Variants in DOCK8 observed in about 807,000 individuals in gnomAD.
The protein encoded by DOCK8 is dedicator of cytokinesis protein 8.
A neutral mutation model predicts 245.6 loss-of-function variants in DOCK8; 141 were observed. That is an observed-to-expected ratio of 0.57 (90% CI 0.50 to 0.66). The LOEUF (loss-of-function observed/expected upper bound fraction) is 0.66, where lower values mean the gene tolerates loss of function less well. Among genes scored for constraint, DOCK8 ranks in the 30% least tolerant of loss-of-function variants. DOCK8 has a pLI of 0.00. For synonymous variants in DOCK8, 1,168 were observed against 970.2 expected (o/e 1.20, Z -3.79); for missense variants, 2,965 against 2,603.4 (o/e 1.14, Z -3.02).
intron 30 of DOCK8, among the ~76,000 whole-genome samples, chr9:419,129 A>G (rs2056166221): frequency 6.6e-6 from 1 of 152,184 alleles, no homozygotes; most frequent in South Asian, 2.1e-4. Context: ...TGCATCCTCC[A>G]ATGTCATTTA....
Position 420,860 on chromosome 9 carries a change from C to T in DOCK8, c.4024-89C>T, listed in dbSNP as rs2056246145. 3.2e-6 allele frequency: 5 copies of T among 1,553,464 alleles called. No homozygotes were observed. The East Asian group carries it at 9.0e-5, about 28-fold the overall frequency. On this transcript the variant is annotated intron_variant, in intron 31 of 47. Transcript: ENST00000432829. ...TGAAGCACATGTCAAACTTAGCTGG[C>T]ATCACTGTGGAGTGTACTGTTTTGG... is the stretch of plus-strand genomic sequence containing the variant.
At position 372,239 on chromosome 9, in the gene DOCK8, G is replaced by A. The variant is rs1206967279; in HGVS notation, c.2062G>A (p.Val688Ile). ...TCAAACTGGATCCTACTGTCTCCCAGTTGCCTTGGAAAAATTGCCACCCAA... is the reference window on the plus strand; with the variant it reads ...TCAAACTGGATCCTACTGTCTCCCAATTGCCTTGGAAAAATTGCCACCCAA... ...RLQTGSYCLPVALEKLPPNYS... is the reference protein window; with the variant it reads ...RLQTGSYCLPIALEKLPPNYS... The change falls in exon 18 of 48, where the codon GTT (valine) becomes ATT (isoleucine). Residue 688 changes from valine (V) to isoleucine (I), a missense_variant. Coordinates refer to ENST00000432829, the MANE Select transcript of DOCK8 (RefSeq NM_203447.4). 3.1e-6 allele frequency: 5 copies of A among 1,613,964 alleles called. No homozygotes were observed. The highest frequency in any genetic ancestry group is 1.3e-5 in the African/African-American group (1 of 74,910).
At chr9:331,374 T>C (rs1318419826) in intron 9 of DOCK8, among the ~76,000 whole-genome samples, 1 of 152,198 alleles carries the variant, frequency 6.6e-6, no homozygotes, top group East Asian at 1.9e-4. Flanking sequence ...GAAGAGAGAC[T>C]TCCTGCTTGG....
At chr9:298,664 A>G (rs1419164027) in intron 4 of DOCK8, among the ~76,000 whole-genome samples, 1 of 151,592 alleles carries the variant, frequency 6.6e-6, no homozygotes, top group Non-Finnish European at 1.5e-5. Context: ...TCAGAGAGAG[A>G]GAGAGAGATG....
intron 1 of DOCK8, 45 bp downstream of exon 1, chr9:215,074 GCGCTGGTGTGAAGCGGAGCTTC>G: frequency 6.5e-7 from 1 of 1,541,018 alleles, no homozygotes; most frequent in Non-Finnish European, 8.7e-7. Flanking sequence ...GGACAGCCCA[GCGCTGGTGTGAAGCGGAGCTTC>G]GCTGCAGGGG....
Position 372,336 on chromosome 9 carries a change from G to C in DOCK8, c.2109+50G>C, listed in dbSNP as rs777381890. ...TGTTTCTTGTCCAGCTGTAGTCTTG[G>C]ACCACCTTCCCAGACTCACTTTCCA... On this transcript the variant is annotated intron_variant, in intron 18 of 47. Coordinates refer to ENST00000432829, the MANE Select transcript of DOCK8 (RefSeq NM_203447.4). 4.1e-6 allele frequency: 6 copies of C among 1,451,862 alleles called. No homozygotes were observed. In the East Asian group the frequency reaches 1.4e-4, roughly 33 times the overall value. 89.9% of individuals were successfully genotyped at this position (1,451,862 alleles called of 1,614,324 possible). A position where few individuals can be genotyped will look rare whatever the true frequency, so the allele number is the denominator to read the frequency against.
At chr9:413,579 C>A (rs988536056) in intron 28 of DOCK8, among the ~76,000 whole-genome samples, 4 of 152,122 alleles carry the variant, frequency 2.6e-5, no homozygotes, top group African/African-American at 9.7e-5. Flanking sequence ...ACAAATAACT[C>A]AGTTTTTTAA....
In DOCK8 at chr9:340,234, A is replaced by G. The variant is rs1254114400; in HGVS notation, c.1592A>G (p.Lys531Arg). The stretch of plus-strand genomic sequence containing the variant: ...CTGACTCCTGAAATGCTGCCCGTGA[A>G]ACCCTTTCCTGAAAACCGGACACGC... ...CCLTPEMLPVKPFPENRTRPH... is the reference protein window; with the variant it reads ...CCLTPEMLPVRPFPENRTRPH... The change falls in exon 14 of 48, where the codon AAA (lysine) becomes AGA (arginine). Residue 531 changes from lysine (K) to arginine (R), a missense_variant. This residue lies in a region of DOCK8 where 2,825 missense variants were observed against 2,453.5 expected (regional missense o/e 1.15). Transcript: ENST00000432829. 6 of 1,614,036 alleles carry G rather than the reference A, an allele frequency of 3.7e-6. No homozygotes were observed. Among genetic ancestry groups the G allele is most frequent in the Admixed American group, 1.7e-5 (1 of 60,000 alleles).
In DOCK8 at chr9:368,082, A is replaced by G. The variant is rs767643908; in HGVS notation, c.1744A>G (p.Ile582Val). ...FVNKLASARN[I>V]TIKIQFMCGE... ...AAACAAACTAGCATCAGCCCGGAAC[A>G]TTACAATAAAGATCCAGTTTATGTG... The change falls in exon 15 of 48, where the codon ATT becomes GTT. Residue 582 changes from isoleucine to valine, a missense_variant. Ile to Val is a conservative substitution (Grantham distance 29). Transcript: ENST00000432829. 7 of 1,614,206 alleles carry G rather than the reference A, an allele frequency of 4.3e-6. No homozygotes were observed. The highest frequency in any genetic ancestry group is 1.3e-5 in the African/African-American group (1 of 75,048).
chr9:434,841 G>A lies in DOCK8; in HGVS notation c.4945G>A (p.Ala1649Thr), dbSNP rs764627735. The A allele has an allele frequency of 6.2e-7, 1 of 1,614,130 alleles. No individual in the cohort carries two copies. Among genetic ancestry groups the A allele is most frequent in the African/African-American group, 1.3e-5 (1 of 75,030 alleles). The part of the protein sequence containing the change: ...DLRLTWLQNM[A>T]EKHTKKKCYT... ...GCGGCTGACCTGGCTCCAGAACATGGCAGAGAAACACACCAAGAAGAAGTG... is the reference window on the plus strand; with the variant it reads ...GCGGCTGACCTGGCTCCAGAACATGACAGAGAAACACACCAAGAAGAAGTG... Residue 1649 changes from alanine to threonine, a missense_variant, in exon 39 of 48, where the codon GCA (alanine) becomes ACA (threonine). By Grantham distance (58) the Ala-to-Thr change is moderately conservative (BLOSUM62 0). Transcript: ENST00000432829.
chr9:390,704 C>A, intron 24 of DOCK8, 138 bp downstream of exon 24: 2 of 771,902 alleles, frequency 2.6e-6, no homozygotes, highest in Non-Finnish European at 4.5e-6. Flanking sequence ...ATCTCTCACC[C>A]CTCCCATCCT....
At chr9:461,445 A>T (rs1257630902) in intron 46 of DOCK8, among the ~76,000 whole-genome samples, 1 of 149,942 alleles carries the variant, frequency 6.7e-6, no homozygotes, top group Admixed American at 6.6e-5. Flanking sequence ...TGGATCTGTC[A>T]TACATTTACT....
At chr9:310,022 C>G (rs1021742840) in intron 5 of DOCK8, among the ~76,000 whole-genome samples, 1 of 152,044 alleles carries the variant, frequency 6.6e-6, no homozygotes, top group African/African-American at 2.4e-5. Context: ...AATCCCAGCA[C>G]TTTGGGAGGC....
intron 14 of DOCK8, among the ~76,000 whole-genome samples, chr9:347,202 T>C (rs561831482): frequency 2.6e-5 from 4 of 152,216 alleles, no homozygotes; most frequent in African/African-American, 7.2e-5. Flanking sequence ...CTGTACCATA[T>C]GGAGTTGTCA....
At chr9:242,137 T>C (rs747766565) in intron 1 of DOCK8, among the ~76,000 whole-genome samples, 15 of 152,210 alleles carry the variant, frequency 9.9e-5, no homozygotes, top group Non-Finnish European at 1.6e-4. Flanking sequence ...CTCAGTTTCC[T>C]GAAGATGAAG....
intron 24 of DOCK8, among the ~76,000 whole-genome samples, chr9:394,763 G>C (rs932733678): frequency 1.3e-5 from 2 of 152,240 alleles, no homozygotes; most frequent in Admixed American, 6.5e-5. Flanking sequence ...CATATAGGGG[G>C]AAAGATTTCT....
At chr9:398,047 G>A (rs764218098) in intron 25 of DOCK8, among the ~76,000 whole-genome samples, 7 of 152,246 alleles carry the variant, frequency 4.6e-5, no homozygotes, top group Non-Finnish European at 1.0e-4. Context: ...TATTGAGAAT[G>A]TGCATAGTAC....
At chr9:427,614 A>C (rs149730595) in intron 34 of DOCK8, among the ~76,000 whole-genome samples, 9 of 152,326 alleles carry the variant, frequency 5.9e-5, no homozygotes, top group African/African-American at 2.2e-4. Context: ...ATGAGTTCTT[A>C]CATGTTTCCA....
intron 1 of DOCK8, among the ~76,000 whole-genome samples, chr9:264,065 G>A (rs1303966643): frequency 6.6e-6 from 1 of 152,152 alleles, no homozygotes; most frequent in African/African-American, 2.4e-5. Flanking sequence ...GCTTACACAG[G>A]TTACATCTGT....
Sources: allele counts gnomAD v4.1 joint callset (sites outside exome capture counted in the v4.1 genomes callset), GRCh38; gene constraint gnomAD v4.1.1; regional missense constraint gnomAD v4.1.1; transcripts MANE v1.5; gene names NCBI Gene and HGNC (gene_info 2026-07-23, HGNC 2026-07-21).